The following ANK1 variants were observed in gnomAD, a reference collection of about 807,000 sequenced individuals.
ANK1 encodes ankyrin 1.
In ANK1, 51 loss-of-function variants were observed where a neutral mutation model predicts 210.4. The observed-to-expected ratio is 0.24, with a 90% CI of 0.19 to 0.31. ANK1 has a LOEUF of 0.31. Among genes scored for constraint, ANK1 ranks in the 10% least tolerant of loss-of-function variants. The probability of loss-of-function intolerance (pLI) is 1.00; values close to 1 mark genes in which losing one functional copy is unlikely to be tolerated. For missense variants in ANK1, 2,051 were observed against 2,504.4 expected (o/e 0.82, Z 3.86); for synonymous variants, 967 against 1,025.9 (o/e 0.94, Z 1.10).
At chr8:41,760,510 C>T (rs969416573) in intron 1 of ANK1, among the ~76,000 whole-genome samples, 1 of 152,170 alleles carries the variant, frequency 6.6e-6, no homozygotes, top group Non-Finnish European at 1.5e-5. Context: ...GTCTCGGGTA[C>T]ATCTTTATTA....
chr8:41,802,950 G>T (rs866180574), intron 1 of ANK1, among the ~76,000 whole-genome samples: 1 of 28,554 alleles, frequency 3.5e-5, no homozygotes, highest in Non-Finnish European at 6.6e-5. Flanking sequence ...AGAGAGAAAG[G>T]GGGGGGGGGA....
chr8:41,876,748 G>A lies in ANK1; in HGVS notation c.126+19607C>T, dbSNP rs191334828. 3.3e-5 allele frequency among the ~76,000 whole-genome samples: 5 copies of A among 152,308 alleles called. No homozygotes were observed. In the East Asian group the frequency reaches 9.6e-4, roughly 29 times the overall value. ...TAAGACAGGGAGATGAAGATGAAAGGTTTGTTGGGGAATGGTAACCCCTCA... is the reference window on the plus strand; with the variant it reads ...TAAGACAGGGAGATGAAGATGAAAGATTTGTTGGGGAATGGTAACCCCTCA... On this transcript the variant is annotated intron_variant, in intron 1 of 42. Transcript: ENST00000265709.
intron 1 of ANK1, among the ~76,000 whole-genome samples, chr8:41,805,171 T>C (rs1020702876): frequency 4.8e-5 from 6 of 124,638 alleles, no homozygotes; most frequent in African/African-American, 1.1e-4. Flanking sequence ...CTCTCTCTCT[T>C]TCTTTCTTTC....
At chr8:41,846,482 C>G (rs912364028) in intron 1 of ANK1, among the ~76,000 whole-genome samples, 1 of 152,218 alleles carries the variant, frequency 6.6e-6, no homozygotes, top group Admixed American at 6.5e-5. Flanking sequence ...CCCATCTGAG[C>G]TGACTCCTGA....
intron 1 of ANK1, among the ~76,000 whole-genome samples, chr8:41,835,021 G>A (rs568651428): frequency 3.9e-5 from 6 of 152,262 alleles, no homozygotes; most frequent in Non-Finnish European, 8.8e-5. Context: ...ACCTCACGAG[G>A]CTTCCCTACA....
Position 41,869,998 on chromosome 8 carries a change from G to T in ANK1, c.126+26357C>A, listed in dbSNP as rs146880667. On this transcript the variant is annotated intron_variant, in intron 1 of 42. Transcript: ENST00000265709. ...CAGATTCTTGAGTCCTACCCCTGGA[G>T]AATCCAATTCAGCAGGCTGAGAGGG... Among the ~76,000 whole-genome samples the T allele has an allele frequency of 4.6e-3, 696 of 152,244 alleles. 2 individuals carry two copies. Among genetic ancestry groups the T allele is most frequent in the Non-Finnish European group, 7.6e-3 (517 of 68,026 alleles).
At chr8:41,823,715 G>A (rs972241463) in intron 1 of ANK1, among the ~76,000 whole-genome samples, 2 of 151,744 alleles carry the variant, frequency 1.3e-5, no homozygotes, top group East Asian at 1.9e-4. Flanking sequence ...AGTGAGCTAC[G>A]ATTATGCCAC....
At chr8:41,841,736 A>G (rs1332940661) in intron 1 of ANK1, among the ~76,000 whole-genome samples, 3 of 152,186 alleles carry the variant, frequency 2.0e-5, no homozygotes, top group Non-Finnish European at 4.4e-5. Context: ...ATAAAACTGT[A>G]AAAAAGGAAA....
chr8:41,843,840 AG>A (rs1256795789), intron 1 of ANK1, among the ~76,000 whole-genome samples: 2 of 152,204 alleles, frequency 1.3e-5, no homozygotes, highest in Non-Finnish European at 2.9e-5. Flanking sequence ...CAGGTCGGGA[AG>A]GGTCTCCATA....
chr8:41,686,335 G>A (rs759086720), intron 35 of ANK1, 52 bp from the exon 36 acceptor site: 1 of 1,611,176 alleles, frequency 6.2e-7, no homozygotes, highest in South Asian at 1.1e-5. Flanking sequence ...ACCAACAGCA[G>A]GGGGCCTCCA....
At chr8:41,876,401 G>T (rs1266898729) in intron 1 of ANK1, among the ~76,000 whole-genome samples, 2 of 152,254 alleles carry the variant, frequency 1.3e-5, no homozygotes, top group African/African-American at 4.8e-5. Flanking sequence ...CCGGAGAGGG[G>T]CTGACACTGA....
At chr8:41,885,566 G>A (rs984484212) in intron 1 of ANK1, among the ~76,000 whole-genome samples, 1 of 152,212 alleles carries the variant, frequency 6.6e-6, no homozygotes, top group African/African-American at 2.4e-5. Flanking sequence ...CCAAATCAGA[G>A]GAGACTACTG....
chr8:41,864,338 T>C (rs529050627), intron 1 of ANK1, among the ~76,000 whole-genome samples: 1 of 151,846 alleles, frequency 6.6e-6, no homozygotes, highest in African/African-American at 2.4e-5. Flanking sequence ...ATGTGAAAAC[T>C]CTATAAGAAT....
At chr8:41,893,679 C>T (rs1017077344) in intron 1 of ANK1, among the ~76,000 whole-genome samples, 3 of 152,152 alleles carry the variant, frequency 2.0e-5, no homozygotes, top group African/African-American at 7.2e-5. Context: ...TTCAGAATGC[C>T]CTTGGCTCAG....
At chr8:41,818,569 A>G (rs1803683602) in intron 1 of ANK1, among the ~76,000 whole-genome samples, 1 of 148,806 alleles carries the variant, frequency 6.7e-6, no homozygotes. Context: ...ACTCAAACCA[A>G]TAAGTCTTTC....
At chr8:41,847,479 C>T (rs1327232322) in intron 1 of ANK1, among the ~76,000 whole-genome samples, 10 of 150,410 alleles carry the variant, frequency 6.6e-5, no homozygotes, top group South Asian at 4.2e-4. Context: ...TAAGCATCCA[C>T]GAGCTGCTAC....
At chr8:41,812,797 C>T (rs746615087) in intron 1 of ANK1, among the ~76,000 whole-genome samples, 2 of 152,104 alleles carry the variant, frequency 1.3e-5, no homozygotes, top group Admixed American at 6.5e-5. Flanking sequence ...ATAAGGAGTG[C>T]GCAACCTAGA....
At chr8:41,809,738 A>G (rs1308602873) in intron 1 of ANK1, among the ~76,000 whole-genome samples, 1 of 152,174 alleles carries the variant, frequency 6.6e-6, no homozygotes, top group Non-Finnish European at 1.5e-5. Context: ...CCACACTTCA[A>G]CCCGAGTGAC....
intron 1 of ANK1, among the ~76,000 whole-genome samples, chr8:41,864,264 AAAAG>A (rs1813879543): frequency 6.6e-6 from 1 of 151,980 alleles, no homozygotes; most frequent in Non-Finnish European, 1.5e-5. Context: ...AAAAAAAAAA[AAAAG>A]GGTACCATTT....
Sources: allele counts gnomAD v4.1 joint callset (sites outside exome capture counted in the v4.1 genomes callset), GRCh38; gene constraint gnomAD v4.1.1; transcripts MANE v1.5; gene names NCBI Gene and HGNC (gene_info 2026-07-23, HGNC 2026-07-21).